TENM3: variants seen among roughly 807,000 people sequenced by gnomAD.
TENM3 encodes teneurin transmembrane protein 3.
TENM3 carries 63 observed loss-of-function variants against 255.1 expected under a neutral mutation model. The observed-to-expected ratio is 0.25, with a 90% CI of 0.20 to 0.30. TENM3 has a LOEUF of 0.30. Ranked by LOEUF, TENM3 falls within the 10% of genes least tolerant of loss-of-function variation. The pLI, the probability that TENM3 is intolerant of heterozygous loss-of-function variation, is 1.00. For synonymous variants in TENM3, 1,306 were observed against 1,322.3 expected (o/e 0.99, Z 0.27); for missense variants, 2,929 against 3,461.1 (o/e 0.85, Z 3.86).
At chr4:182,199,747 A>G (rs1754065590) in intron 1 of TENM3, among the ~76,000 whole-genome samples, 1 of 112,094 alleles carries the variant, frequency 8.9e-6, no homozygotes, top group African/African-American at 3.5e-5. Context: ...TTTTTTTGAG[A>G]CAGGATCTTG....
chr4:182,169,507 T>C, intron 1 of TENM3: 1 of 272,468 alleles, frequency 3.7e-6, no homozygotes, highest in Non-Finnish European at 7.3e-6. Flanking sequence ...AGGAGCTTTT[T>C]AGAGGAGAAT....
intron 1 of TENM3, among the ~76,000 whole-genome samples, chr4:182,252,086 G>A (rs370365469): frequency 4.9e-4 from 74 of 152,110 alleles, no homozygotes; most frequent in African/African-American, 1.5e-3. Context: ...GGGAGGCTGA[G>A]CCAGGAGAAT....
chr4:182,773,490 T>C lies in TENM3; in HGVS notation c.4911T>C (p.Arg1637=). 1.2e-6 allele frequency: 2 copies of C among 1,612,696 alleles called. No homozygotes were observed. The highest frequency in any genetic ancestry group is 2.7e-5 in the African/African-American group (2 of 75,054). Reference sequence around the variant, plus strand: ...TATTTAGCTATGACAGTGAAGGTCGTCTGACAAATGTTACGTTTCCAACTG... The same window carrying C: ...TATTTAGCTATGACAGTGAAGGTCGCCTGACAAATGTTACGTTTCCAACTG... ...TTFFDYDSEG[R]LTNVTFPTGV... The change falls in exon 23 of 28, where the codon CGT becomes CGC. Residue 1637 remains arginine, a synonymous_variant. Coordinates refer to ENST00000511685, the MANE Select transcript of TENM3 (RefSeq NM_001080477.4).
the TENM3 span, among the ~76,000 whole-genome samples, chr4:181,840,680 C>T: frequency 6.6e-6 from 1 of 151,932 alleles, no homozygotes; most frequent in Non-Finnish European, 1.5e-5. Context: ...TTTCATTTCC[C>T]TTGATGCTAA....
At chr4:181,839,384 T>A in the TENM3 span, among the ~76,000 whole-genome samples, 1 of 83,458 alleles carries the variant, frequency 1.2e-5, no homozygotes, top group Non-Finnish European at 2.3e-5. Context: ...TATATATATA[T>A]ACACCTATAT....
At chr4:182,783,695 A>G (rs184926184) in intron 24 of TENM3, among the ~76,000 whole-genome samples, 8 of 151,534 alleles carry the variant, frequency 5.3e-5, no homozygotes, top group Admixed American at 4.6e-4. Flanking sequence ...AGGTACACCA[A>G]TCAGACGTAG....
chr4:181,788,306 G>A, the TENM3 span, among the ~76,000 whole-genome samples: 3 of 151,990 alleles, frequency 2.0e-5, no homozygotes, highest in African/African-American at 4.8e-5. Context: ...CTGTGCTGGG[G>A]GACTAAGAAC....
intron 1 of TENM3, among the ~76,000 whole-genome samples, chr4:182,195,280 T>C (rs1753774726): frequency 6.6e-6 from 1 of 152,168 alleles, no homozygotes; most frequent in African/African-American, 2.4e-5. Flanking sequence ...GGGCAGGCCT[T>C]GATGGCTGAT....
intron 22 of TENM3, among the ~76,000 whole-genome samples, chr4:182,756,509 T>C (rs2152757434): frequency 6.6e-6 from 1 of 152,336 alleles, no homozygotes; most frequent in Non-Finnish European, 1.5e-5. Context: ...AGATGGCATG[T>C]TGACAAACGC....
the TENM3 span, among the ~76,000 whole-genome samples, chr4:181,455,775 C>T: frequency 6.6e-6 from 1 of 151,836 alleles, no homozygotes; most frequent in Non-Finnish European, 1.5e-5. Flanking sequence ...AAAAGAGGCT[C>T]AAGATTCTGA....
intron 3 of TENM3, among the ~76,000 whole-genome samples, chr4:182,557,382 A>G (rs1257314437): frequency 6.6e-6 from 1 of 152,182 alleles, no homozygotes; most frequent in African/African-American, 2.4e-5. Flanking sequence ...ACTGTGATGT[A>G]CTTGAATTTC....
At chr4:182,012,590 G>A in the TENM3 span, 1 of 152,166 alleles carries the variant, frequency 6.6e-6, no homozygotes, top group Non-Finnish European at 1.5e-5. Context: ...ACATTTTATG[G>A]ACCATACCCT....
At chr4:182,490,696 G>A (rs1395188876) in intron 3 of TENM3, among the ~76,000 whole-genome samples, 1 of 91,426 alleles carries the variant, frequency 1.1e-5, no homozygotes, top group Non-Finnish European at 2.4e-5. Flanking sequence ...AAGTGACGTT[G>A]TGAATGACAG....
intron 3 of TENM3, among the ~76,000 whole-genome samples, chr4:182,413,243 A>C (rs562008581): frequency 6.6e-6 from 1 of 152,152 alleles, no homozygotes; most frequent in Admixed American, 6.5e-5. Flanking sequence ...AGGAAAAAAA[A>C]AGACACTTTT....
chr4:182,177,958 G>GTTTTTTTTTTTTT (rs56256529), intron 1 of TENM3, among the ~76,000 whole-genome samples: 2 of 117,144 alleles, frequency 1.7e-5, no homozygotes, highest in African/African-American at 3.1e-5. Flanking sequence ...TTTGGTTTTT[G>GTTTTTTTTTTTTT]TTTTTTTTTT....
the TENM3 span, among the ~76,000 whole-genome samples, chr4:182,006,733 AT>A: frequency 6.6e-6 from 1 of 150,528 alleles, no homozygotes. Context: ...ATCTCTTTCA[AT>A]TCTTCTTTGA....
At chr4:182,120,484 A>G in the TENM3 span, among the ~76,000 whole-genome samples, 1 of 152,186 alleles carries the variant, frequency 6.6e-6, no homozygotes, top group Non-Finnish European at 1.5e-5. Flanking sequence ...GTGTGTGTAT[A>G]TACACATGTA....
intron 3 of TENM3, among the ~76,000 whole-genome samples, chr4:182,440,330 T>G (rs923707029): frequency 6.6e-6 from 1 of 152,020 alleles, no homozygotes; most frequent in African/African-American, 2.4e-5. Flanking sequence ...GCCAGGCTGG[T>G]CTTGAACTCC....
chr4:181,924,992 G>C, the TENM3 span, among the ~76,000 whole-genome samples: 1 of 152,164 alleles, frequency 6.6e-6, no homozygotes, highest in African/African-American at 2.4e-5. Flanking sequence ...AGCCTTATTG[G>C]TGTCAAATAC....
Sources: gnomAD v4.1 joint callset for allele counts (sites outside exome capture counted in the v4.1 genomes callset) on GRCh38, gnomAD v4.1.1 for gene constraint, MANE v1.5 for transcripts, NCBI Gene and HGNC (gene_info 2026-07-23, HGNC 2026-07-21) for gene names.